The following PARP1 variants were observed in gnomAD, a reference collection of about 807,000 sequenced individuals.
PARP1 encodes poly(ADP-ribose) polymerase 1.
PARP1 carries 44 observed loss-of-function variants against 118.7 expected under a neutral mutation model. The ratio of observed to expected loss-of-function variants is 0.37; its 90% CI spans 0.29 to 0.48. The LOEUF is 0.48. Ranked by LOEUF, PARP1 falls within the 20% of genes least tolerant of loss-of-function variation. The pLI is 0.99. For missense variants in PARP1, 1,100 were observed against 1,272.4 expected (o/e 0.86, Z 2.06); for synonymous variants, 492 against 483.2 (o/e 1.02, Z -0.24).
chr1:226,392,379 C>G lies in PARP1; in HGVS notation c.287-65G>C, dbSNP rs898356795. ...CCCAAAATGCAGCTCAGAGGAGCCC[C>G]GTCCTCTTCTACCTCCCCAGGATCC... On this transcript the variant is annotated intron_variant, in intron 2 of 22. Coordinates refer to ENST00000366794, the MANE Select transcript of PARP1 (RefSeq NM_001618.4). 4 of 1,118,742 alleles carry G rather than the reference C, an allele frequency of 3.6e-6. No individual in the cohort carries two copies. The African/African-American group carries it at 6.1e-5, about 17-fold the overall frequency. 69.3% of individuals were successfully genotyped at this position (1,118,742 alleles called of 1,614,324 possible).
Position 226,380,064 on chromosome 1 carries a change from C to A in PARP1, c.1401G>T (p.Lys467Asn). The change falls in exon 10 of 23, where the codon AAG (lysine) becomes AAT (asparagine). Residue 467 changes from lysine to asparagine, a missense_variant. By Grantham distance (94) the Lys-to-Asn change is moderately conservative. Coordinates refer to ENST00000366794, the MANE Select transcript of PARP1 (RefSeq NM_001618.4). ...GCGCTAAGAACAACTCCTGAAGGCT[C>A]TTGGTGGAGGCGGAGACGTCCTGGA... ...DFLQDVSAST[K>N]SLQELFLAHI... 2 of 1,614,248 alleles carry A rather than the reference C, an allele frequency of 1.2e-6. No homozygotes were observed. The highest frequency in any genetic ancestry group is 1.7e-6 in the Non-Finnish European group (2 of 1,180,030).
At position 226,388,710 on chromosome 1, in the gene PARP1, C is replaced by A. The variant is rs1664764077; in HGVS notation, c.663G>T (p.Lys221Asn). The change falls in exon 5 of 23, where the codon AAG (lysine) becomes AAT (asparagine). Residue 221 changes from lysine (K) to asparagine (N), a missense_variant. Lys to Asn is a moderately conservative substitution (Grantham distance 94). Coordinates refer to ENST00000366794, the MANE Select transcript of PARP1 (RefSeq NM_001618.4). ...TGTCTTTTTCTTTTTTAGATTTCTT[C>A]TTCGCCACTTCATCCACTCCATCCA... ...DEVDGVDEVA[K>N]KKSKKEKDKD... 1 of 1,614,124 alleles carries A rather than the reference C, an allele frequency of 6.2e-7. No individual in the cohort carries two copies. Among genetic ancestry groups the A allele is most frequent in the East Asian group, 2.2e-5 (1 of 44,884 alleles).
chr1:226,366,360 C>A, intron 17 of PARP1: 1 of 373,284 alleles, frequency 2.7e-6, no homozygotes, highest in Non-Finnish European at 5.2e-6. Flanking sequence ...GTGAACAGGG[C>A]ATCTCCAGAA....
chr1:226,379,706 G>A, intron 10 of PARP1, 65 bp from the exon 11 acceptor site: 1 of 1,387,148 alleles, frequency 7.2e-7, no homozygotes, highest in South Asian at 1.2e-5. Context: ...GGGGAAGGTA[G>A]AAGGCAAATG....
At chr1:226,387,146 C>T (rs1245953088) in intron 5 of PARP1, among the ~76,000 whole-genome samples, 1 of 152,114 alleles carries the variant, frequency 6.6e-6, no homozygotes, top group African/African-American at 2.4e-5. Flanking sequence ...CCACGCCCAG[C>T]TAATTTTTGT....
Position 226,363,113 on chromosome 1 carries a change from T to C in PARP1, c.2834A>G (p.Lys945Arg), listed in dbSNP as rs762166408. 32 of 1,613,526 alleles carry C rather than the reference T, an allele frequency of 2.0e-5. No individual in the cohort carries two copies. Among genetic ancestry groups the C allele is most frequent in the Middle Eastern group, 1.6e-4 (1 of 6,062 alleles). Residue 945 changes from lysine to arginine, a missense_variant, in exon 21 of 23, where the codon AAG (lysine) becomes AGG (arginine). Lys to Arg is a conservative substitution (Grantham distance 26). Coordinates refer to ENST00000366794, the MANE Select transcript of PARP1 (RefSeq NM_001618.4). ...ASHISKLPKG[K>R]HSVKGLGKTT... ...AAACACTTTACCTTTGACACTGTGC[T>C]TGCCCTTGGGTAACTTGCTGATATG...
chr1:226,385,422 G>T, intron 7 of PARP1, 82 bp downstream of exon 7: 1 of 1,187,032 alleles, frequency 8.4e-7, no homozygotes, highest in East Asian at 2.3e-5. Flanking sequence ...TGCAATCTCA[G>T]GGACCTGAAG....
chr1:226,379,115 C>T, intron 12 of PARP1, 27 bp downstream of exon 12: 1 of 1,614,030 alleles, frequency 6.2e-7, no homozygotes, highest in East Asian at 2.2e-5. Context: ...TGTCTCTGCA[C>T]AACCAGGCTA....
At chr1:226,363,875 G>A in intron 20 of PARP1, 68 bp downstream of exon 20, 1 of 1,564,546 alleles carries the variant, frequency 6.4e-7, no homozygotes, top group Non-Finnish European at 8.8e-7. Flanking sequence ...GCCAAGGGGA[G>A]TTCTGCCTAT....
chr1:226,371,698 C>T (rs1186791468), intron 14 of PARP1, among the ~76,000 whole-genome samples: 1 of 152,160 alleles, frequency 6.6e-6, no homozygotes, highest in African/African-American at 2.4e-5. Flanking sequence ...GCTCTGAAAG[C>T]AATTCTCAAG....
chr1:226,368,927 A>C (rs1664324744), intron 15 of PARP1, among the ~76,000 whole-genome samples: 6 of 152,246 alleles, frequency 3.9e-5, no homozygotes, highest in Admixed American at 3.3e-4. Context: ...CTGGGATTCC[A>C]GGAATTTCGC....
At chr1:226,384,211 G>A (rs957291444) in intron 7 of PARP1, among the ~76,000 whole-genome samples, 10 of 152,230 alleles carry the variant, frequency 6.6e-5, no homozygotes, top group African/African-American at 2.2e-4. Flanking sequence ...CTGGCTAGGC[G>A]CCCTATTGCT....
chr1:226,365,860 A>G, intron 18 of PARP1, 94 bp downstream of exon 18: 1 of 789,878 alleles, frequency 1.3e-6, no homozygotes, highest in Admixed American at 1.8e-5. Flanking sequence ...TAAAGTAAAT[A>G]AACTGCTCTT....
chr1:226,365,782 A>C (rs1350774547), intron 18 of PARP1, among the ~76,000 whole-genome samples, 172 bp downstream of exon 18: 654 of 46,618 alleles, frequency 0.014, 6 homozygotes, highest in African/African-American at 0.071. Flanking sequence ...AAAAAACAAA[A>C]AACAAACAAA....
At chr1:226,392,115 A>G in intron 3 of PARP1, 84 bp downstream of exon 3, 2 of 952,214 alleles carry the variant, frequency 2.1e-6, no homozygotes, top group Non-Finnish European at 3.5e-6. Context: ...TAAAGCCCCC[A>G]TTTCTTCTTT....
chr1:226,407,301 T>C (rs1665167717), intron 1 of PARP1, among the ~76,000 whole-genome samples: 1 of 151,736 alleles, frequency 6.6e-6, no homozygotes, highest in African/African-American at 2.4e-5. Context: ...TGCATAGTTC[T>C]GCCTAATTAA....
intron 5 of PARP1, among the ~76,000 whole-genome samples, chr1:226,387,538 C>T (rs913226114): frequency 2.6e-5 from 4 of 152,156 alleles, no homozygotes; most frequent in Admixed American, 1.3e-4. Context: ...CACCTGTTTC[C>T]CAGCTTCATT....
chr1:226,386,050 G>A (rs946379223), intron 6 of PARP1, among the ~76,000 whole-genome samples: 2 of 152,144 alleles, frequency 1.3e-5, no homozygotes, highest in African/African-American at 2.4e-5. Flanking sequence ...CCTCAGGAGG[G>A]GGCTCTCCTC....
At chr1:226,364,330 G>A (rs1016080900) in intron 19 of PARP1, 6 of 433,510 alleles carry the variant, frequency 1.4e-5, no homozygotes, top group Non-Finnish European at 2.2e-5. Context: ...TCTCAAATGG[G>A]GAACACAGTC....
Sources: gnomAD v4.1 joint callset for allele counts (sites outside exome capture counted in the v4.1 genomes callset) on GRCh38, gnomAD v4.1.1 for gene constraint, MANE v1.5 for transcripts, NCBI Gene and HGNC (gene_info 2026-07-23, HGNC 2026-07-21) for gene names.